CAMK4: variants seen among roughly 807,000 people sequenced by gnomAD.
CAMK4 encodes calcium/calmodulin-dependent protein kinase type IV.
In CAMK4, 22 loss-of-function variants were observed where a neutral mutation model predicts 44.9. That is an observed-to-expected ratio of 0.49 (90% CI 0.35 to 0.70). The LOEUF (loss-of-function observed/expected upper bound fraction) is 0.70, where lower values mean the gene tolerates loss of function less well. CAMK4 is among the 30% of genes least tolerant of loss of function. The pLI is 0.01. For missense variants in CAMK4, 498 were observed against 586.8 expected (o/e 0.85, Z 1.56); for synonymous variants, 218 against 215.4 (o/e 1.01, Z -0.11).
chr5:111,374,769 G>C (rs975729910), intron 2 of CAMK4, 81 bp from the exon 3 acceptor site: 3 of 839,024 alleles, frequency 3.6e-6, no homozygotes, highest in East Asian at 4.9e-5. Flanking sequence ...ATTCACCCAG[G>C]TAGTTATTGC....
chr5:111,485,105 A>G lies in CAMK4; in HGVS notation c.*639A>G, dbSNP rs544278479. ...CTTATTTATATACACTATATTAATA[A>G]TAACCAAAATGTTCTAAGATTCTGC... is the stretch of plus-strand genomic sequence containing the variant. On this transcript the variant is annotated 3_prime_UTR_variant, in exon 11 of 11. Transcript: ENST00000282356. 1 of 152,334 alleles carries G rather than the reference A, an allele frequency of 6.6e-6. No individual in the cohort carries two copies. The highest frequency in any genetic ancestry group is 2.4e-5 in the African/African-American group (1 of 41,580). 9.4% of individuals were successfully genotyped at this position (152,334 alleles called of 1,614,324 possible).
chr5:111,344,121 TA>T lies in CAMK4; in HGVS notation c.240+21del. The T allele has an allele frequency of 6.9e-7, 1 of 1,442,964 alleles. No individual in the cohort carries two copies. Among genetic ancestry groups the T allele is most frequent in the Non-Finnish European group, 9.7e-7 (1 of 1,026,708 alleles). The allele number at this position is 1,442,964 out of a possible 1,614,324, so 89.4% of individuals were successfully genotyped here. ...GAAAACAGTAAGTTTATTTCTTATA[TA>T]ATGGCATCTCTAAGGGGCCTGTGAC... On this transcript the variant is annotated intron_variant, in intron 2 of 10. Transcript: ENST00000282356.
intron 5 of CAMK4, among the ~76,000 whole-genome samples, chr5:111,407,217 G>A (rs756411115): frequency 8.6e-5 from 13 of 151,962 alleles, no homozygotes; most frequent in South Asian, 8.3e-4. Flanking sequence ...TGGGCATGAC[G>A]GCAGCCACCT....
At chr5:111,235,775 T>C (rs1456383300) in intron 1 of CAMK4, among the ~76,000 whole-genome samples, 1 of 152,172 alleles carries the variant, frequency 6.6e-6, no homozygotes, top group Non-Finnish European at 1.5e-5. Context: ...GGATCTGGCT[T>C]GGGCCAGGCA....
chr5:111,379,235 T>G (rs1417881477), intron 4 of CAMK4, among the ~76,000 whole-genome samples: 1 of 152,184 alleles, frequency 6.6e-6, no homozygotes, highest in Non-Finnish European at 1.5e-5. Flanking sequence ...CTACCTCTAT[T>G]GGCTTGAGTT....
intron 1 of CAMK4, among the ~76,000 whole-genome samples, chr5:111,262,621 A>G (rs1006067944): frequency 6.6e-6 from 1 of 152,234 alleles, no homozygotes; most frequent in Non-Finnish European, 1.5e-5. Flanking sequence ...AGATGCATAA[A>G]TATAAACTAA....
intron 1 of CAMK4, among the ~76,000 whole-genome samples, chr5:111,244,176 A>G (rs1006346688): frequency 2.0e-5 from 3 of 152,206 alleles, no homozygotes; most frequent in African/African-American, 7.2e-5. Flanking sequence ...TTCCTGAATT[A>G]TTTCAGAATA....
intron 4 of CAMK4, among the ~76,000 whole-genome samples, chr5:111,385,833 C>T (rs1751581180): frequency 6.6e-6 from 1 of 152,140 alleles, no homozygotes; most frequent in South Asian, 2.1e-4. Flanking sequence ...CCTTGCCCTC[C>T]CAAGGTGCTG....
At chr5:111,427,796 G>A (rs948298625) in intron 5 of CAMK4, among the ~76,000 whole-genome samples, 1 of 152,352 alleles carries the variant, frequency 6.6e-6, no homozygotes, top group East Asian at 1.9e-4. Context: ...TGGACCCAGC[G>A]GGGGCCTGGG....
intron 1 of CAMK4, among the ~76,000 whole-genome samples, chr5:111,285,443 C>A (rs1333919459): frequency 6.6e-6 from 1 of 152,182 alleles, no homozygotes; most frequent in Non-Finnish European, 1.5e-5. Context: ...AATATGTCAG[C>A]AGGATGATAC....
chr5:111,454,861 T>TAAA (rs3216647), intron 7 of CAMK4, among the ~76,000 whole-genome samples: 1 of 151,176 alleles, frequency 6.6e-6, no homozygotes. Context: ...AGGGCTTAGG[T>TAAA]AAAAAAAAAT....
intron 1 of CAMK4, among the ~76,000 whole-genome samples, chr5:111,268,874 G>T (rs1056352987): frequency 3.3e-5 from 5 of 152,062 alleles, no homozygotes; most frequent in African/African-American, 1.2e-4. Context: ...GGAACATAAA[G>T]ATCTATTGAA....
At chr5:111,390,389 G>A (rs901013217) in intron 4 of CAMK4, among the ~76,000 whole-genome samples, 10 of 151,550 alleles carry the variant, frequency 6.6e-5, no homozygotes, top group Non-Finnish European at 1.2e-4. Context: ...TCTCACCCCC[G>A]CCCCATCCCC....
At chr5:111,231,080 C>T (rs1748450760) in intron 1 of CAMK4, among the ~76,000 whole-genome samples, 1 of 152,144 alleles carries the variant, frequency 6.6e-6, no homozygotes, top group Non-Finnish European at 1.5e-5. Flanking sequence ...CTGAAGATTT[C>T]ATGACTCCAA....
chr5:111,312,675 C>G (rs1035512212), intron 1 of CAMK4, among the ~76,000 whole-genome samples: 1 of 152,086 alleles, frequency 6.6e-6, no homozygotes, highest in African/African-American at 2.4e-5. Flanking sequence ...AAATAAGATT[C>G]TTTAGGTTGT....
chr5:111,281,374 C>T (rs911423367), intron 1 of CAMK4, among the ~76,000 whole-genome samples: 9 of 152,142 alleles, frequency 5.9e-5, no homozygotes, highest in Non-Finnish European at 1.2e-4. Context: ...TTCTTGCAAC[C>T]CACTTGTAAG....
chr5:111,399,218 C>T (rs923441966), intron 5 of CAMK4, among the ~76,000 whole-genome samples: 1 of 152,184 alleles, frequency 6.6e-6, no homozygotes, highest in African/African-American at 2.4e-5. Context: ...TTAGAAAGGT[C>T]TCAGTTAATT....
chr5:111,350,346 A>C (rs1469895699), intron 2 of CAMK4, among the ~76,000 whole-genome samples: 2 of 152,116 alleles, frequency 1.3e-5, no homozygotes, highest in Non-Finnish European at 1.5e-5. Flanking sequence ...ATTTAAAGTC[A>C]AACAGTGAGT....
At position 111,290,106 on chromosome 5, in the gene CAMK4, C is replaced by G. The variant is rs1262522418; in HGVS notation, c.162-53918C>G. On this transcript the variant is annotated intron_variant, in intron 1 of 10. Transcript: ENST00000282356. The surrounding 1 kb of genome is among the most constrained non-coding windows in gnomAD (Gnocchi z 4.5). Reference sequence around the variant, plus strand: ...CCCTAGGTTTCCAGACCTGTGCATTCAAGGCCTGTCAAGTATCGTATATAT... The same window carrying G: ...CCCTAGGTTTCCAGACCTGTGCATTGAAGGCCTGTCAAGTATCGTATATAT... 6.6e-6 allele frequency among the ~76,000 whole-genome samples: 1 copy of G among 152,156 alleles called. No homozygotes were observed. The highest frequency in any genetic ancestry group is 1.5e-5 in the Non-Finnish European group (1 of 68,024).
Sources: gnomAD v4.1 joint callset for allele counts (sites outside exome capture counted in the v4.1 genomes callset) on GRCh38, gnomAD v4.1.1 for gene constraint, Gnocchi (gnomAD v3.1) non-coding constraint, MANE v1.5 for transcripts, NCBI Gene and HGNC (gene_info 2026-07-23, HGNC 2026-07-21) for gene names.